C14orf39: variants seen among roughly 807,000 people sequenced by gnomAD.
The protein encoded by C14orf39 is protein SIX6OS1.
Under a neutral mutation model 85.6 loss-of-function variants are expected in C14orf39, and 66 were observed. That is an observed-to-expected ratio of 0.77 (90% CI 0.63 to 0.95). C14orf39 has a LOEUF of 0.95. Ranked by LOEUF, C14orf39 falls within the 40% of genes least tolerant of loss-of-function variation. The pLI is 0.00. For synonymous variants in C14orf39, 242 were observed against 214.0 expected (o/e 1.13, Z -1.14); for missense variants, 735 against 663.9 (o/e 1.11, Z -1.18).
At chr14:60,497,720 A>AT (rs1459468562) in intron 2 of C14orf39, among the ~76,000 whole-genome samples, 2 of 151,990 alleles carry the variant, frequency 1.3e-5, no homozygotes, top group Non-Finnish European at 2.9e-5. Context: ...TACTAAAACT[A>AT]TTTTTTTAAA....
upstream of C14orf39, among the ~76,000 whole-genome samples, chr14:60,490,634 T>C (rs528945354): frequency 5.2e-4 from 78 of 151,276 alleles, no homozygotes; most frequent in African/African-American, 1.7e-3. Context: ...TAAAAAATAA[T>C]AATAAAGTAA....
intron 16 of C14orf39, among the ~76,000 whole-genome samples, chr14:60,452,834 GA>G (rs2140059983): frequency 6.6e-6 from 1 of 152,022 alleles, no homozygotes; most frequent in South Asian, 2.1e-4. Context: ...TTTATCTCAT[GA>G]TTTCTTCTTT....
chr14:60,448,020 T>C (rs942156476), intron 16 of C14orf39, among the ~76,000 whole-genome samples: 1 of 152,194 alleles, frequency 6.6e-6, no homozygotes, highest in African/African-American at 2.4e-5. Flanking sequence ...ATCCCTTCCT[T>C]ACATCTTATA....
intron 1 of C14orf39, chr14:60,511,087 C>T: frequency 6.2e-7 from 1 of 1,612,766 alleles, no homozygotes; most frequent in Non-Finnish European, 8.5e-7. Flanking sequence ...CCCGTAGACT[C>T]CAGCAGCAGG....
intron 16 of C14orf39, among the ~76,000 whole-genome samples, chr14:60,450,757 C>T (rs1200605690): frequency 4.6e-5 from 7 of 152,098 alleles, no homozygotes; most frequent in Non-Finnish European, 7.3e-5. Context: ...CAGTCCTAGT[C>T]GAGATGGCCA....
intron 16 of C14orf39, among the ~76,000 whole-genome samples, chr14:60,443,749 G>C (rs1402225998): frequency 1.3e-5 from 2 of 152,190 alleles, no homozygotes; most frequent in African/African-American, 4.8e-5. Flanking sequence ...CATGTAGCCT[G>C]ACTGGGAGAC....
intron 16 of C14orf39, among the ~76,000 whole-genome samples, chr14:60,442,837 C>T (rs527892429): frequency 9.2e-5 from 14 of 152,174 alleles, no homozygotes; most frequent in African/African-American, 3.4e-4. Context: ...TTTTATAAGC[C>T]ACTTGAATTT....
chr14:60,437,549 G>A (rs1174420599), intron 17 of C14orf39, among the ~76,000 whole-genome samples: 1 of 152,020 alleles, frequency 6.6e-6, no homozygotes, highest in Non-Finnish European at 1.5e-5. Flanking sequence ...GCAGAGATAT[G>A]ACATGATTTG....
intron 5 of C14orf39, among the ~76,000 whole-genome samples, chr14:60,475,574 T>C (rs549067306): frequency 6.6e-6 from 1 of 152,264 alleles, no homozygotes; most frequent in South Asian, 2.1e-4. Context: ...TATCCATAAA[T>C]AAAGTTTTAT....
chr14:60,447,152 C>T (rs1890804969), intron 16 of C14orf39, among the ~76,000 whole-genome samples: 1 of 152,302 alleles, frequency 6.6e-6, no homozygotes, highest in Non-Finnish European at 1.5e-5. Context: ...GACAAGGATG[C>T]CCTCTCACAC....
chr14:60,482,017 A>G (rs1892661917), intron 4 of C14orf39, among the ~76,000 whole-genome samples: 2 of 152,194 alleles, frequency 1.3e-5, no homozygotes, highest in Non-Finnish European at 2.9e-5. Flanking sequence ...AAGATTATAT[A>G]GCACTTACAT....
intron 1 of C14orf39, chr14:60,509,371 T>C (rs772917646): frequency 6.3e-7 from 1 of 1,593,856 alleles, no homozygotes; most frequent in African/African-American, 1.3e-5. Context: ...CCGGGCTCAG[T>C]GCCCTCGCCG....
rs1893291597 is a variant in C14orf39 at position 60,511,347 on chromosome 14, G to C, written c.-144+4048C>G. On this transcript the variant is annotated intron_variant, in intron 1 of 5. Coordinates refer to the C14orf39 transcript ENST00000556799. ...AGAAGATGAGAGACCTGCAAATCCA[G>C]CGCCACAGAAGCCAGGTGACCAGGG... 3.5e-5 allele frequency: 51 copies of C among 1,448,580 alleles called. 1 individual carries two copies. In the South Asian group the frequency reaches 5.4e-4, roughly 15 times the overall value. The allele number at this position is 1,448,580 out of a possible 1,614,324, so 89.7% of individuals were successfully genotyped here.
chr14:60,477,259 C>T (rs1010054990), intron 5 of C14orf39, among the ~76,000 whole-genome samples: 1 of 152,106 alleles, frequency 6.6e-6, no homozygotes, highest in African/African-American at 2.4e-5. Flanking sequence ...TCATGTATTT[C>T]CATGATTTCA....
intron 2 of C14orf39, chr14:60,496,160 A>G: frequency 2.1e-6 from 1 of 475,314 alleles, no homozygotes; most frequent in South Asian, 1.5e-5. Context: ...TCTATAGAGT[A>G]TCACACTCCT....
chr14:60,511,484 C>T lies in C14orf39; in HGVS notation c.-144+3911G>A, dbSNP rs886050564. Reference sequence around the variant, plus strand: ...AGCGGTGAGGCCTGACCCAGCACCACGTTCTTCTTGCTTTGCTTTTTCCTA... The same window carrying T: ...AGCGGTGAGGCCTGACCCAGCACCATGTTCTTCTTGCTTTGCTTTTTCCTA... On this transcript the variant is annotated intron_variant, in intron 1 of 5. Transcript: ENST00000556799. The T allele has an allele frequency of 1.7e-6, 1 of 605,502 alleles. No individual in the cohort carries two copies. The highest frequency in any genetic ancestry group is 2.9e-6 in the Non-Finnish European group (1 of 341,410). The allele number at this position is 605,502 out of a possible 1,614,324, so 37.5% of individuals were successfully genotyped here.
intron 1 of C14orf39, among the ~76,000 whole-genome samples, chr14:60,501,119 T>G (rs150044272): frequency 1.3e-5 from 2 of 151,722 alleles, no homozygotes; most frequent in African/African-American, 4.8e-5. Flanking sequence ...CTAGGCAATA[T>G]AGAGAGACCC....
chr14:60,454,679 A>G (rs546690103), intron 16 of C14orf39, among the ~76,000 whole-genome samples: 1 of 152,016 alleles, frequency 6.6e-6, no homozygotes, highest in Non-Finnish European at 1.5e-5. Flanking sequence ...AATATGGAAC[A>G]TTTTTTATGT....
chr14:60,486,415 T>C (rs1457310403), upstream of C14orf39, among the ~76,000 whole-genome samples: 2 of 152,210 alleles, frequency 1.3e-5, no homozygotes, highest in Non-Finnish European at 2.9e-5. Flanking sequence ...GAGTAAAAAA[T>C]ACTCAATTCA....
Sources: gnomAD v4.1 joint callset for allele counts (sites outside exome capture counted in the v4.1 genomes callset) on GRCh38, gnomAD v4.1.1 for gene constraint, MANE v1.5 for transcripts, NCBI Gene and HGNC (gene_info 2026-07-23, HGNC 2026-07-21) for gene names.